Variants in PDE1C observed in about 807,000 individuals in gnomAD.
PDE1C encodes dual specificity calcium/calmodulin-dependent 3',5'-cyclic nucleotide phosphodiesterase 1C.
In PDE1C, 62 loss-of-function variants were observed where a neutral mutation model predicts 93.1. The ratio of observed to expected loss-of-function variants is 0.67; its 90% CI spans 0.54 to 0.82. The LOEUF (loss-of-function observed/expected upper bound fraction) is 0.82, where lower values mean the gene tolerates loss of function less well. Ranked by LOEUF, PDE1C falls within the 40% of genes least tolerant of loss-of-function variation. PDE1C has a pLI of 0.00. For synonymous variants in PDE1C, 325 were observed against 310.1 expected (o/e 1.05, Z -0.50); for missense variants, 742 against 884.6 (o/e 0.84, Z 2.04).
At chr7:31,888,716 A>G (rs981982792) in intron 2 of PDE1C, among the ~76,000 whole-genome samples, 4 of 152,174 alleles carry the variant, frequency 2.6e-5, no homozygotes, top group Non-Finnish European at 5.9e-5. Flanking sequence ...ACAGAATTGT[A>G]TCAGAGTAAT....
At chr7:32,267,275 G>C (rs182982773) in intron 1 of PDE1C, among the ~76,000 whole-genome samples, 1 of 152,202 alleles carries the variant, frequency 6.6e-6, no homozygotes, top group Non-Finnish European at 1.5e-5. Context: ...CAGAGAGGAA[G>C]CACGTCTAAG....
In PDE1C at chr7:32,007,898, T is replaced by A. The variant is rs528194211; in HGVS notation, c.128+43656A>T. On this transcript the variant is annotated intron_variant, in intron 2 of 17. Transcript: ENST00000396191. The stretch of plus-strand genomic sequence containing the variant: ...TCAGATCTATTATTTTTTGAGACAT[T>A]CTCTCTAGAAAGACTATCATGGGGA... 2.4e-4 allele frequency among the ~76,000 whole-genome samples: 36 copies of A among 152,336 alleles called. 1 individual carries two copies. Among genetic ancestry groups the A allele is most frequent in the Middle Eastern group, 3.4e-3 (1 of 294 alleles).
chr7:31,962,237 A>G (rs1361542964), intron 2 of PDE1C, among the ~76,000 whole-genome samples: 1 of 152,224 alleles, frequency 6.6e-6, no homozygotes, highest in African/African-American at 2.4e-5. Context: ...AAGTATTGCT[A>G]CTGTTAAGAC....
the PDE1C span, among the ~76,000 whole-genome samples, chr7:31,686,408 C>CT: frequency 6.6e-6 from 1 of 152,170 alleles, no homozygotes; most frequent in Non-Finnish European, 1.5e-5. Context: ...CTACGTATTC[C>CT]TAATATTGGT....
chr7:32,202,031 C>G (rs1398007209), intron 2 of PDE1C, among the ~76,000 whole-genome samples: 1 of 152,162 alleles, frequency 6.6e-6, no homozygotes, highest in East Asian at 1.9e-4. Context: ...ACCACCATCC[C>G]AGGTACTCAC....
the PDE1C span, among the ~76,000 whole-genome samples, chr7:31,731,796 A>AATG: frequency 1.5e-4 from 22 of 151,036 alleles, no homozygotes; most frequent in African/African-American, 5.4e-4. Flanking sequence ...GCCGTCAGCC[A>AATG]ATGTGGCCCA....
intron 2 of PDE1C, among the ~76,000 whole-genome samples, chr7:31,913,481 A>C (rs1296258666): frequency 6.6e-6 from 1 of 152,222 alleles, no homozygotes; most frequent in African/African-American, 2.4e-5. Context: ...GTAGCAATCA[A>C]CACTGGGTCA....
the PDE1C span, chr7:31,656,010 G>T: frequency 1.0e-6 from 1 of 985,078 alleles, no homozygotes; most frequent in Non-Finnish European, 1.2e-6. Context: ...CCTCTCCTTT[G>T]CTGAAACAAA....
chr7:32,203,833 C>T (rs1289372338), intron 2 of PDE1C, among the ~76,000 whole-genome samples: 1 of 152,164 alleles, frequency 6.6e-6, no homozygotes, highest in Non-Finnish European at 1.5e-5. Context: ...AGTGCAACAA[C>T]AAAACTAGCA....
intron 1 of PDE1C, among the ~76,000 whole-genome samples, chr7:32,231,593 A>G (rs1443399911): frequency 6.6e-6 from 1 of 152,212 alleles, no homozygotes. Context: ...ATCAAGTTCT[A>G]TTAAACATTC....
chr7:31,870,664 C>T (rs1359122662), intron 6 of PDE1C, among the ~76,000 whole-genome samples: 1 of 151,886 alleles, frequency 6.6e-6, no homozygotes, highest in Non-Finnish European at 1.5e-5. Flanking sequence ...TATCAAATTC[C>T]TCCAAACTTT....
chr7:31,964,170 C>A (rs149657495), intron 2 of PDE1C, among the ~76,000 whole-genome samples: 6 of 152,308 alleles, frequency 3.9e-5, no homozygotes, highest in South Asian at 2.1e-4. Context: ...TCACCTCACC[C>A]GGGAAGTGCA....
At position 32,156,837 on chromosome 7, in the gene PDE1C, C is replaced by A. The variant is rs150062326; in HGVS notation, c.308+12948G>T. Among the ~76,000 whole-genome samples, 19 of 152,326 alleles carry A rather than the reference C, an allele frequency of 1.2e-4. No homozygotes were observed. The East Asian group carries it at 3.3e-3, about 26-fold the overall frequency. On this transcript the variant is annotated intron_variant, in intron 3 of 18. Coordinates refer to the PDE1C transcript ENST00000396193. Reference sequence around the variant, plus strand: ...GGGAAAAAGGTTATTTACAGAGTCTCAAAGTGTCTCCCCAAAGGTGATTTA... The same window carrying A: ...GGGAAAAAGGTTATTTACAGAGTCTAAAAGTGTCTCCCCAAAGGTGATTTA...
the PDE1C span, among the ~76,000 whole-genome samples, chr7:31,626,248 T>C: frequency 1.3e-3 from 200 of 152,320 alleles, no homozygotes; most frequent in Non-Finnish European, 2.4e-3. Flanking sequence ...TAATGAAATA[T>C]ACTTTGTGTG....
rs543774775 is a variant in PDE1C, at chr7:32,175,589, A to G, written c.137-5633T>C. Among the ~76,000 whole-genome samples, 5 of 152,314 alleles carry G rather than the reference A, an allele frequency of 3.3e-5. No homozygotes were observed. The South Asian group carries it at 8.3e-4, about 25-fold the overall frequency. On this transcript the variant is annotated intron_variant, in intron 2 of 18. Transcript: ENST00000396193. ...TAAAACTCTACCATCTCTGCACTCA[A>G]GAAGCTTTGAAGAGGCAGAAAAACA...
intron 2 of PDE1C, among the ~76,000 whole-genome samples, chr7:31,902,879 T>C (rs1334888066): frequency 6.6e-6 from 1 of 151,692 alleles, no homozygotes; most frequent in African/African-American, 2.4e-5. Context: ...TACACTTACT[T>C]ATCAGTTACC....
intron 16 of PDE1C, among the ~76,000 whole-genome samples, chr7:31,779,930 G>C (rs1329775729): frequency 6.6e-6 from 1 of 152,138 alleles, no homozygotes; most frequent in Admixed American, 6.5e-5. Context: ...CAGAAACCAG[G>C]TGGGAACAGC....
rs527980236 is a variant in PDE1C at position 32,395,456 on chromosome 7, T to C, written c.310+32366A>G. 3.3e-5 allele frequency among the ~76,000 whole-genome samples: 5 copies of C among 152,112 alleles called. No homozygotes were observed. In the East Asian group the frequency reaches 5.8e-4, roughly 18 times the overall value. The stretch of plus-strand genomic sequence containing the variant: ...AAAAGGGATATGGGTGAGGAAATAA[T>C]GTGATTCCATATTGCTAGGATAGAA... On this transcript the variant is annotated intron_variant, in intron 1 of 1. Coordinates refer to the PDE1C transcript ENST00000672256.
chr7:31,630,244 C>CAAAAAAAA, the PDE1C span, among the ~76,000 whole-genome samples: 1 of 103,720 alleles, frequency 9.6e-6, no homozygotes, highest in Non-Finnish European at 1.8e-5. Flanking sequence ...GTCTACTTGG[C>CAAAAAAAA]AAAAAAAAAA....
Sources: gnomAD v4.1 joint callset for allele counts (sites outside exome capture counted in the v4.1 genomes callset) on GRCh38, gnomAD v4.1.1 for gene constraint, MANE v1.5 for transcripts, NCBI Gene and HGNC (gene_info 2026-07-23, HGNC 2026-07-21) for gene names.